Variants in LRP1B observed in about 807,000 individuals in gnomAD.
The protein encoded by LRP1B is low-density lipoprotein receptor-related protein 1B.
LRP1B carries 217 observed loss-of-function variants against 556.6 expected under a neutral mutation model. That is an observed-to-expected ratio of 0.39 (90% CI 0.35 to 0.44). The LOEUF is 0.44. Among genes scored for constraint, LRP1B ranks in the 20% least tolerant of loss-of-function variants. The pLI is 1.00. For synonymous variants in LRP1B, 2,047 were observed against 1,865.8 expected (o/e 1.10, Z -2.50); for missense variants, 5,053 against 5,620.8 (o/e 0.90, Z 3.23).
In LRP1B at chr2:141,570,707, T is replaced by A. The variant is rs1471658349; in HGVS notation, c.206-90174A>T. On this transcript the variant is annotated intron_variant, in intron 2 of 90. Transcript: ENST00000389484. ...TCTCTATAGCTTCAGGCTGTGCTTTTCCCCCTGCTGAAGCCAAGGAGGCTG... is the reference window on the plus strand; with the variant it reads ...TCTCTATAGCTTCAGGCTGTGCTTTACCCCCTGCTGAAGCCAAGGAGGCTG... Among the ~76,000 whole-genome samples, 2 of 151,258 alleles carry A rather than the reference T, an allele frequency of 1.3e-5. 1 individual carries two copies. Among genetic ancestry groups the A allele is most frequent in the Non-Finnish European group, 3.0e-5 (2 of 67,442 alleles).
intron 2 of LRP1B, among the ~76,000 whole-genome samples, chr2:141,795,288 T>A (rs1282018858): frequency 1.3e-5 from 2 of 152,098 alleles, no homozygotes; most frequent in African/African-American, 4.8e-5. Context: ...CATAATCTCC[T>A]AGTCTCCATG....
intron 1 of LRP1B, among the ~76,000 whole-genome samples, chr2:141,912,584 A>T (rs1699932101): frequency 6.6e-6 from 1 of 152,138 alleles, no homozygotes; most frequent in African/African-American, 2.4e-5. Flanking sequence ...GACAATGGAG[A>T]GTCGTTATTT....
At chr2:141,149,758 G>A (rs956479201) in intron 7 of LRP1B, among the ~76,000 whole-genome samples, 3 of 152,158 alleles carry the variant, frequency 2.0e-5, no homozygotes, top group East Asian at 1.9e-4. Flanking sequence ...GAACAGGTTC[G>A]CAGCAGGCCT....
chr2:141,895,694 C>T (rs929399193), intron 1 of LRP1B, among the ~76,000 whole-genome samples: 1 of 152,114 alleles, frequency 6.6e-6, no homozygotes, highest in Non-Finnish European at 1.5e-5. Context: ...TCTTTACAAA[C>T]AATGATTTAT....
chr2:141,082,465 G>A (rs1007523039), intron 7 of LRP1B, among the ~76,000 whole-genome samples: 1 of 152,168 alleles, frequency 6.6e-6, no homozygotes, highest in Non-Finnish European at 1.5e-5. Flanking sequence ...CAGAATACAT[G>A]ACTCTCTGAG....
At chr2:141,330,909 C>T (rs868203049) in intron 3 of LRP1B, among the ~76,000 whole-genome samples, 5 of 152,164 alleles carry the variant, frequency 3.3e-5, no homozygotes, top group African/African-American at 1.2e-4. Context: ...CCGCCCACCA[C>T]GCCGGGCTAA....
intron 3 of LRP1B, among the ~76,000 whole-genome samples, chr2:141,283,917 TA>T (rs1170591726): frequency 6.6e-6 from 1 of 152,104 alleles, no homozygotes; most frequent in East Asian, 1.9e-4. Flanking sequence ...TTTTAGATAA[TA>T]AAAAATTATC....
At chr2:140,797,869 T>C (rs535412851) in intron 32 of LRP1B, among the ~76,000 whole-genome samples, 1 of 152,290 alleles carries the variant, frequency 6.6e-6, no homozygotes, top group Admixed American at 6.5e-5. Context: ...TCAGTTTGCA[T>C]TTCCTGTTTT....
chr2:140,502,285 T>TC (rs1689234331), intron 54 of LRP1B, among the ~76,000 whole-genome samples: 1 of 152,004 alleles, frequency 6.6e-6, no homozygotes, highest in African/African-American at 2.4e-5. Context: ...ATTCCTAAAT[T>TC]CTTTTCTTCC....
At chr2:141,568,999 C>G (rs1364211572) in intron 2 of LRP1B, among the ~76,000 whole-genome samples, 1 of 150,752 alleles carries the variant, frequency 6.6e-6, no homozygotes, top group East Asian at 1.9e-4. Flanking sequence ...AACTCCTGAC[C>G]TCAGGTGATC....
At chr2:141,877,341 C>A (rs1194020378) in intron 1 of LRP1B, among the ~76,000 whole-genome samples, 1 of 151,914 alleles carries the variant, frequency 6.6e-6, no homozygotes, top group Non-Finnish European at 1.5e-5. Flanking sequence ...AGCAGTCTAG[C>A]AAGGGATTTC....
chr2:140,529,419 A>G lies in LRP1B; in HGVS notation c.7763-3069T>C, dbSNP rs534499993. Among the ~76,000 whole-genome samples the G allele has an allele frequency of 5.7e-5, 7 of 122,870 alleles. No homozygotes were observed. The South Asian group carries it at 2.0e-3, about 34-fold the overall frequency. 80.6% of individuals were successfully genotyped at this position (122,870 alleles called of 152,430 possible). On this transcript the variant is annotated intron_variant, in intron 47 of 90. Transcript: ENST00000389484. ...ACATCCCTTACCCAACTCGTAGCAAAGGGAAGCTGAAAAGGGGGGGGGGAA... is the reference window on the plus strand; with the variant it reads ...ACATCCCTTACCCAACTCGTAGCAAGGGGAAGCTGAAAAGGGGGGGGGGAA...
intron 3 of LRP1B, among the ~76,000 whole-genome samples, chr2:141,477,766 A>T (rs1455481289): frequency 2.0e-5 from 3 of 152,160 alleles, no homozygotes; most frequent in Non-Finnish European, 2.9e-5. Context: ...AAGGCCAGAA[A>T]AGAAGGTGAA....
At chr2:140,246,482 A>G (rs903740314) in intron 87 of LRP1B, among the ~76,000 whole-genome samples, 2 of 151,392 alleles carry the variant, frequency 1.3e-5, no homozygotes, top group Admixed American at 6.6e-5. Flanking sequence ...ATATAGACCC[A>G]CAACGATGAT....
intron 15 of LRP1B, among the ~76,000 whole-genome samples, chr2:140,999,674 A>C (rs1490494409): frequency 6.6e-6 from 1 of 152,024 alleles, no homozygotes; most frequent in African/African-American, 2.4e-5. Flanking sequence ...CGTGCTACTG[A>C]AGCGTGTGCT....
rs748480335 is a variant in LRP1B, at chr2:141,247,337, C to T, written c.481G>A (p.Val161Ile). The change falls in exon 5 of 91, where the codon GTT (valine) becomes ATT (isoleucine). Residue 161 changes from valine to isoleucine, a missense_variant. Val to Ile is a conservative substitution (Grantham distance 29, BLOSUM62 3). Coordinates refer to ENST00000389484, the MANE Select transcript of LRP1B (RefSeq NM_018557.3). ...RSCKDQDECA[V>I]YGTCSQTCRN... ...CAGGTCTGGCTGCATGTACCATAAA[C>T]AGCACATTCATCTTGATCTAAAAAG... 4 of 1,613,562 alleles carry T rather than the reference C, an allele frequency of 2.5e-6. No homozygotes were observed. The highest frequency in any genetic ancestry group is 2.7e-5 in the African/African-American group (2 of 74,882).
intron 3 of LRP1B, among the ~76,000 whole-genome samples, chr2:141,447,846 TG>T (rs1442568764): frequency 6.6e-6 from 1 of 152,214 alleles, no homozygotes; most frequent in Non-Finnish European, 1.5e-5. Context: ...ATGAGGTGTC[TG>T]TTGACCCCTG....
rs146211544 is a variant in LRP1B, at chr2:140,448,626, T to G, written c.10057+1942A>C. 5.3e-5 allele frequency among the ~76,000 whole-genome samples: 8 copies of G among 152,182 alleles called. No individual in the cohort carries two copies. In the East Asian group the frequency reaches 1.5e-3, roughly 29 times the overall value. ...GAGATTGGGGAGATTAGGAAGACAT[T>G]GTTCAAAAGACACAAAATTTCAGTT... is the stretch of plus-strand genomic sequence containing the variant. On this transcript the variant is annotated intron_variant, in intron 63 of 90. Coordinates refer to ENST00000389484, the MANE Select transcript of LRP1B (RefSeq NM_018557.3).
intron 1 of LRP1B, among the ~76,000 whole-genome samples, chr2:141,965,905 C>A (rs1309328902): frequency 6.7e-6 from 1 of 149,820 alleles, no homozygotes; most frequent in Non-Finnish European, 1.5e-5. Flanking sequence ...ATGCTATGAG[C>A]TAATTATTGA....
Sources: gnomAD v4.1 joint callset for allele counts (sites outside exome capture counted in the v4.1 genomes callset) on GRCh38, gnomAD v4.1.1 for gene constraint, MANE v1.5 for transcripts, NCBI Gene and HGNC (gene_info 2026-07-23, HGNC 2026-07-21) for gene names.